Variants in TP73 observed in about 807,000 individuals in gnomAD.
TP73 encodes p53-like transcription factor.
A neutral mutation model predicts 62.5 loss-of-function variants in TP73; 25 were observed. The ratio of observed to expected loss-of-function variants is 0.40; its 90% CI spans 0.29 to 0.56. The LOEUF is 0.56. TP73 is among the 20% of genes least tolerant of loss of function. The pLI is 0.46. For missense variants in TP73, 754 were observed against 913.3 expected (o/e 0.83, Z 2.25); for synonymous variants, 423 against 377.5 (o/e 1.12, Z -1.40).
At chr1:3,730,283 CT>C (rs1371386657) in intron 11 of TP73, 135 bp downstream of exon 11, 47 of 1,124,714 alleles carry the variant, frequency 4.2e-5, no homozygotes, top group Non-Finnish European at 5.2e-5. Context: ...CGGTTCCACC[CT>C]CTGGGCAGGA....
At chr1:3,690,049 G>A (rs1645770773) in intron 3 of TP73, among the ~76,000 whole-genome samples, 2 of 152,230 alleles carry the variant, frequency 1.3e-5, no homozygotes, top group African/African-American at 4.8e-5. Flanking sequence ...CGCCTGCAGG[G>A]GGCCCCACTG....
Position 3,730,043 on chromosome 1 carries a change from A to C in TP73, c.1240A>C (p.Met414Leu). 1 of 1,610,080 alleles carries C rather than the reference A, an allele frequency of 6.2e-7. No individual in the cohort carries two copies. The highest frequency in any genetic ancestry group is 8.5e-7 in the Non-Finnish European group (1 of 1,178,528). ...PPSYGPVLSP[M>L]NKVHGGMNKL... ...GTCCTACGGGCCGGTCCTCTCGCCC[A>C]TGAACAAGGTGCACGGGGGCATGAA... Residue 414 changes from methionine to leucine, a missense_variant, in exon 11 of 14, where the codon ATG becomes CTG. Met to Leu is a conservative substitution (Grantham distance 15, BLOSUM62 2). Coordinates refer to ENST00000378295, the MANE Select transcript of TP73 (RefSeq NM_005427.4).
chr1:3,691,743 G>T (rs1195690053), intron 3 of TP73, among the ~76,000 whole-genome samples: 1 of 152,242 alleles, frequency 6.6e-6, no homozygotes, highest in East Asian at 1.9e-4. Context: ...GAAGCAGACA[G>T]CTGGGACCAT....
intron 3 of TP73, among the ~76,000 whole-genome samples, chr1:3,706,316 C>CCGCCG (rs1639624391): frequency 1.3e-5 from 2 of 151,276 alleles, no homozygotes; most frequent in African/African-American, 2.4e-5. Context: ...ATCATGGTGC[C>CCGCCG]CACCGCAGGC....
In TP73 at chr1:3,683,155, T is replaced by G. The variant is rs377512486; in HGVS notation, c.161T>G (p.Leu54Arg). ...GTDSSMDVFH[L>R]EGMTTSVMAQ... ...GATTCCAGCATGGACGTCTTCCACCTGGAGGGCATGACTACATCTGTCATG... is the reference window on the plus strand; with the variant it reads ...GATTCCAGCATGGACGTCTTCCACCGGGAGGGCATGACTACATCTGTCATG... Residue 54 changes from leucine (L) to arginine (R), a missense_variant, in exon 3 of 14, where the codon CTG (leucine) becomes CGG (arginine). This residue lies in a region of TP73 where 235 missense variants were observed against 251.4 expected (regional missense o/e 0.93). Transcript: ENST00000378295. 48 of 1,611,672 alleles carry G rather than the reference T, an allele frequency of 3.0e-5. No individual in the cohort carries two copies. The highest frequency in any genetic ancestry group is 3.8e-5 in the Non-Finnish European group (45 of 1,178,630).
chr1:3,726,841 GTGGATGGATGGGGTTGGTGGATGGATGGA>G (rs1641675214), intron 6 of TP73, among the ~76,000 whole-genome samples: 3 of 148,464 alleles, frequency 2.0e-5, no homozygotes, highest in African/African-American at 7.5e-5. Flanking sequence ...AGATGGGTGG[GTGGATGGATGGGGTTGGTGGATGGATGGA>G]TGGATGGATG....
At chr1:3,726,221 GTGGA>G (rs1264364724) in intron 6 of TP73, among the ~76,000 whole-genome samples, 36 of 124,550 alleles carry the variant, frequency 2.9e-4, no homozygotes, top group South Asian at 1.8e-3. Context: ...GGGTGGGTGG[GTGGA>G]TGGATGGATG....
At chr1:3,656,238 G>A (rs1162011203) in intron 1 of TP73, among the ~76,000 whole-genome samples, 2 of 151,622 alleles carry the variant, frequency 1.3e-5, no homozygotes, top group African/African-American at 4.9e-5. Flanking sequence ...TTATACCAAA[G>A]TGGGCTCAGA....
At position 3,672,695 on chromosome 1, in the gene TP73, C is replaced by T. The variant is rs920927524; in HGVS notation, c.-33-9638C>T. On this transcript the variant is annotated intron_variant, in intron 1 of 13. Coordinates refer to ENST00000378295, the MANE Select transcript of TP73 (RefSeq NM_005427.4). The surrounding 1 kb of genome is among the most constrained non-coding windows in gnomAD (Gnocchi z 5.3). ...GTGACAGATCTGCTCCTACCACCCC[C>T]GCCAGGGTCGCCCTTCCTCTAACAG... 3.3e-5 allele frequency among the ~76,000 whole-genome samples: 5 copies of T among 152,094 alleles called. No homozygotes were observed. Among genetic ancestry groups the T allele is most frequent in the African/African-American group, 4.8e-5 (2 of 41,400 alleles).
In TP73 at chr1:3,670,875, C is replaced by T. The variant is rs765142690; in HGVS notation, c.-33-11458C>T. ...CACGGAGCACCTACTGTGTGCCAGG[C>T]GGGTGCTGGGGCTGCAGCGCAGAGA... On this transcript the variant is annotated intron_variant, in intron 1 of 13. Transcript: ENST00000378295. The surrounding 1 kb of genome is among the most constrained non-coding windows in gnomAD (Gnocchi z 5.9). Among the ~76,000 whole-genome samples, 2 of 152,144 alleles carry T rather than the reference C, an allele frequency of 1.3e-5. No homozygotes were observed. Among genetic ancestry groups the T allele is most frequent in the African/African-American group, 4.8e-5 (2 of 41,400 alleles).
At chr1:3,729,867 G>A (rs1641992135) in intron 10 of TP73, 133 bp from the exon 11 acceptor site, 2 of 1,282,682 alleles carry the variant, frequency 1.6e-6, no homozygotes, top group Non-Finnish European at 1.1e-6. Context: ...CAGGGAGGCT[G>A]GGGGAGGATG....
chr1:3,704,261 G>A (rs1173141582), intron 3 of TP73, among the ~76,000 whole-genome samples: 2 of 152,236 alleles, frequency 1.3e-5, no homozygotes, highest in Admixed American at 6.5e-5. Flanking sequence ...GTATTCACCC[G>A]TAACTGTGAT....
chr1:3,673,445 G>A (rs1194102715), intron 1 of TP73, among the ~76,000 whole-genome samples: 1 of 152,236 alleles, frequency 6.6e-6, no homozygotes, highest in African/African-American at 2.4e-5. Context: ...TGCCCAGATA[G>A]AGGAGTGCTT....
At chr1:3,700,117 C>T (rs539840440) in intron 3 of TP73, among the ~76,000 whole-genome samples, 6 of 152,010 alleles carry the variant, frequency 3.9e-5, no homozygotes, top group Admixed American at 1.3e-4. Flanking sequence ...CAAAGGTTTC[C>T]GAATGAGCAT....
chr1:3,658,574 G>A (rs1166716453), intron 1 of TP73, among the ~76,000 whole-genome samples: 3 of 152,232 alleles, frequency 2.0e-5, no homozygotes, highest in African/African-American at 4.8e-5. Context: ...GAGAAAATGC[G>A]TCTTGGCGCG....
chr1:3,700,459 G>C (rs1012363237), intron 3 of TP73, among the ~76,000 whole-genome samples: 6 of 80,796 alleles, frequency 7.4e-5, no homozygotes, highest in Non-Finnish European at 1.5e-4. Context: ...GAGTGGACTA[G>C]GGGGGAACAG....
intron 1 of TP73, among the ~76,000 whole-genome samples, chr1:3,657,074 C>T (rs1451969512): frequency 1.3e-5 from 2 of 152,192 alleles, no homozygotes; most frequent in African/African-American, 4.8e-5. Flanking sequence ...TGATCACCTC[C>T]CAGTTTTGCT....
intron 2 of TP73, 110 bp downstream of exon 2, chr1:3,682,540 G>A: frequency 9.1e-7 from 1 of 1,101,858 alleles, no homozygotes; most frequent in South Asian, 2.2e-5. Flanking sequence ...GGTGGCCCCG[G>A]GAGGACTCTG....
intron 3 of TP73, among the ~76,000 whole-genome samples, chr1:3,684,513 C>G (rs1035378659): frequency 2.0e-5 from 3 of 152,188 alleles, no homozygotes; most frequent in Admixed American, 2.0e-4. Flanking sequence ...CCCAGCCACC[C>G]TGAGCACTGG....
Sources: allele counts gnomAD v4.1 joint callset (sites outside exome capture counted in the v4.1 genomes callset), GRCh38; gene constraint gnomAD v4.1.1; regional missense constraint gnomAD v4.1.1; non-coding constraint Gnocchi (gnomAD v3.1); transcripts MANE v1.5; gene names NCBI Gene and HGNC (gene_info 2026-07-23, HGNC 2026-07-21).